The following SLC24A4 variants were observed in gnomAD, a reference collection of about 807,000 sequenced individuals.
SLC24A4 encodes solute carrier family 24 member 4.
In SLC24A4, 53 loss-of-function variants were observed where a neutral mutation model predicts 79.0. The ratio of observed to expected loss-of-function variants is 0.67; its 90% confidence interval spans 0.54 to 0.84. SLC24A4 has a LOEUF of 0.84. SLC24A4 is among the 40% of genes least tolerant of loss of function. The probability of loss-of-function intolerance (pLI) is 0.00; values close to 1 mark genes in which losing one functional copy is unlikely to be tolerated. For missense variants in SLC24A4, 731 were observed against 822.0 expected (o/e 0.89, Z 1.35); for synonymous variants, 323 against 323.8 (o/e 1.00, Z 0.03).
chr14:92,396,863 C>G (rs1287571742), intron 2 of SLC24A4, among the ~76,000 whole-genome samples: 2 of 152,210 alleles, frequency 1.3e-5, no homozygotes, highest in Non-Finnish European at 2.9e-5. Flanking sequence ...GCTCTGCACG[C>G]TGCACTCCCT....
chr14:92,340,956 C>G (rs1886106944), intron 2 of SLC24A4, among the ~76,000 whole-genome samples: 2 of 152,210 alleles, frequency 1.3e-5, no homozygotes, highest in Admixed American at 1.3e-4. Flanking sequence ...ATGTAACATG[C>G]AAAAGGGAAG....
At chr14:92,438,654 C>T (rs1052912879) in intron 3 of SLC24A4, among the ~76,000 whole-genome samples, 48 of 151,814 alleles carry the variant, frequency 3.2e-4, no homozygotes, top group African/African-American at 1.2e-3. Context: ...ATGTGTAGGG[C>T]GAGGTATCGG....
At chr14:92,447,678 C>T (rs1379727967) in intron 9 of SLC24A4, among the ~76,000 whole-genome samples, 1 of 152,208 alleles carries the variant, frequency 6.6e-6, no homozygotes, top group Non-Finnish European at 1.5e-5. Flanking sequence ...AGGCTGCTCT[C>T]CAGACAAGTA....
At chr14:92,374,796 A>G (rs971830636) in intron 2 of SLC24A4, among the ~76,000 whole-genome samples, 9 of 152,214 alleles carry the variant, frequency 5.9e-5, no homozygotes, top group African/African-American at 2.4e-5. Context: ...GTTGGGTGCA[A>G]TATTTTGCAA....
At chr14:92,378,514 G>T (rs914405760) in intron 2 of SLC24A4, among the ~76,000 whole-genome samples, 1 of 151,986 alleles carries the variant, frequency 6.6e-6, no homozygotes, top group Non-Finnish European at 1.5e-5. Flanking sequence ...TGTGTTTTGG[G>T]GCTGCTTAAC....
intron 2 of SLC24A4, among the ~76,000 whole-genome samples, chr14:92,383,718 T>G (rs1888983136): frequency 6.6e-6 from 1 of 152,160 alleles, no homozygotes; most frequent in Non-Finnish European, 1.5e-5. Context: ...CGAATGGGCT[T>G]GACCGTGAGC....
chr14:92,367,700 T>C (rs1256431725), intron 2 of SLC24A4, among the ~76,000 whole-genome samples: 1 of 152,222 alleles, frequency 6.6e-6, no homozygotes, highest in African/African-American at 2.4e-5. Flanking sequence ...GGTTGATGTC[T>C]GGATTCAGGT....
intron 2 of SLC24A4, among the ~76,000 whole-genome samples, chr14:92,431,213 C>G (rs959884216): frequency 1.3e-5 from 2 of 152,186 alleles, no homozygotes; most frequent in Non-Finnish European, 2.9e-5. Context: ...AGGAATGAGT[C>G]TGTAAGTTAA....
At chr14:92,380,054 C>T (rs779425104) in intron 2 of SLC24A4, among the ~76,000 whole-genome samples, 1 of 152,234 alleles carries the variant, frequency 6.6e-6, no homozygotes, top group South Asian at 2.1e-4. Flanking sequence ...TTCACTCATT[C>T]ACTGCCTGCG....
At chr14:92,474,861 A>T (rs866076361) in intron 12 of SLC24A4, among the ~76,000 whole-genome samples, 684 of 63,154 alleles carry the variant, frequency 0.011, 34 homozygotes, top group African/African-American at 0.035. Context: ...ATATATATAT[A>T]TATTTTTTTT....
intron 12 of SLC24A4, among the ~76,000 whole-genome samples, chr14:92,470,821 TAAAG>T (rs1404968049): frequency 1.3e-5 from 2 of 152,186 alleles, no homozygotes; most frequent in Admixed American, 6.5e-5. Context: ...CTCCTAATGT[TAAAG>T]AACCCCTATT....
At chr14:92,358,523 T>C (rs747080831) in intron 2 of SLC24A4, among the ~76,000 whole-genome samples, 1 of 151,786 alleles carries the variant, frequency 6.6e-6, no homozygotes, top group African/African-American at 2.4e-5. Context: ...CAGGCTCAAA[T>C]ATCCGCTGGC....
At chr14:92,372,651 G>T (rs751953684) in intron 2 of SLC24A4, among the ~76,000 whole-genome samples, 3 of 152,244 alleles carry the variant, frequency 2.0e-5, no homozygotes, top group African/African-American at 4.8e-5. Context: ...CTAGCAAAAT[G>T]TGCCTGCGTT....
intron 2 of SLC24A4, among the ~76,000 whole-genome samples, chr14:92,336,737 T>A (rs1885826683): frequency 6.6e-6 from 1 of 152,160 alleles, no homozygotes; most frequent in South Asian, 2.1e-4. Context: ...GTGGGGGATC[T>A]TCCTAGGGAG....
In SLC24A4 at chr14:92,490,246, G is replaced by T. The variant is rs1595365375; in HGVS notation, c.1538-1419G>T. On this transcript the variant is annotated intron_variant, in intron 14 of 16. Transcript: ENST00000532405. This position sits in a 1 kb window ranked among gnomAD's most constrained non-coding sequence, Gnocchi z 4.3. ...GTTCATTCCAAAAACATGTGTATGT[G>T]TGCCAGGTTAGGACAGTGGTGTGGA... Among the ~76,000 whole-genome samples the T allele has an allele frequency of 6.6e-6, 1 of 152,228 alleles. No individual in the cohort carries two copies. The highest frequency in any genetic ancestry group is 2.4e-5 in the African/African-American group (1 of 41,444).
chr14:92,400,173 G>T (rs1417894721), intron 2 of SLC24A4, among the ~76,000 whole-genome samples: 2 of 152,296 alleles, frequency 1.3e-5, no homozygotes, highest in East Asian at 3.9e-4. Flanking sequence ...GAGCGTGGTG[G>T]CTCACGCCTG....
chr14:92,324,724 C>A (rs10135448), intron 1 of SLC24A4, among the ~76,000 whole-genome samples: 2 of 152,014 alleles, frequency 1.3e-5, no homozygotes, highest in Non-Finnish European at 2.9e-5. Flanking sequence ...CTAATCGTCT[C>A]ATTTTGAGTT....
At chr14:92,326,803 G>A (rs990669091) in intron 2 of SLC24A4, among the ~76,000 whole-genome samples, 1 of 151,850 alleles carries the variant, frequency 6.6e-6, no homozygotes, top group Non-Finnish European at 1.5e-5. Context: ...AATATAGATG[G>A]CTTTGCCACT....
intron 11 of SLC24A4, among the ~76,000 whole-genome samples, chr14:92,455,442 T>C (rs1362136557): frequency 6.6e-6 from 1 of 152,236 alleles, no homozygotes; most frequent in East Asian, 1.9e-4. Flanking sequence ...AACAAACTGC[T>C]GACTCATGCA....
Sources: allele counts gnomAD v4.1 joint callset (sites outside exome capture counted in the v4.1 genomes callset), GRCh38; gene constraint gnomAD v4.1.1; non-coding constraint Gnocchi (gnomAD v3.1); transcripts MANE v1.5; gene names NCBI Gene and HGNC (gene_info 2026-07-23, HGNC 2026-07-21).